The following KAT6A variants were observed in gnomAD, a reference collection of about 807,000 sequenced individuals.
The protein encoded by KAT6A is lysine acetyltransferase 6A, also known as histone acetyltransferase KAT6A.
KAT6A carries 9 observed loss-of-function variants against 198.4 expected under a neutral mutation model. That is an observed-to-expected ratio of 0.05 (90% CI 0.03 to 0.08). The LOEUF (loss-of-function observed/expected upper bound fraction) is 0.08. KAT6A is among the 10% of genes least tolerant of loss of function. The pLI is 1.00. For missense variants in KAT6A, 2,077 were observed against 2,509.9 expected (o/e 0.83, Z 3.69); for synonymous variants, 890 against 883.0 (o/e 1.01, Z -0.14).
At position 41,933,097 on chromosome 8, in the gene KAT6A, T is replaced by C. The variant is rs767890925; in HGVS notation, c.5123A>G (p.Asn1708Ser). The C allele has an allele frequency of 5.0e-6, 8 of 1,612,212 alleles. No individual in the cohort carries two copies. Among genetic ancestry groups the C allele is most frequent in the Non-Finnish European group, 5.9e-6 (7 of 1,179,516 alleles). Residue 1708 changes from asparagine (N) to serine (S), a missense_variant, in exon 17 of 17, where the codon AAT (asparagine) becomes AGT (serine). Physicochemically the swap from Asn to Ser is conservative, Grantham distance 46 (BLOSUM62 1). Coordinates refer to ENST00000265713, the MANE Select transcript of KAT6A (RefSeq NM_006766.5). This position sits in a 1 kb window ranked among gnomAD's most constrained non-coding sequence, Gnocchi z 6.2. ...CATAGGAGCTGGGGTGAAACTGTTA[T>C]TCATACTACACTGTGACAGCGGGGG... The part of the protein sequence containing the change: ...QQPPLSQCSM[N>S]NSFTPAPMIM...
chr8:41,963,032 C>G (rs1158279896), intron 8 of KAT6A, among the ~76,000 whole-genome samples: 1 of 152,134 alleles, frequency 6.6e-6, no homozygotes, highest in Non-Finnish European at 1.5e-5. Context: ...TCTCCCTCTT[C>G]CTCCCCTGCT....
intron 2 of KAT6A, among the ~76,000 whole-genome samples, chr8:42,045,223 C>T (rs1014306833): frequency 6.6e-6 from 1 of 152,134 alleles, no homozygotes; most frequent in South Asian, 2.1e-4. Flanking sequence ...ACAAGTCTAC[C>T]TGAAGAAACA....
At position 42,048,514 on chromosome 8, in the gene KAT6A, A is replaced by C. The variant is rs373581056; in HGVS notation, c.464T>G (p.Ile155Ser). 1.2e-6 allele frequency: 2 copies of C among 1,614,076 alleles called. No individual in the cohort carries two copies. The highest frequency in any genetic ancestry group is 1.7e-6 in the Non-Finnish European group (2 of 1,180,038). Residue 155 changes from isoleucine to serine, a missense_variant, in exon 2 of 17, where the codon ATT becomes AGT. Coordinates refer to ENST00000265713, the MANE Select transcript of KAT6A (RefSeq NM_006766.5). ...ATCTTTAAGGAGTCTGCCGTGGCCA[A>C]TGGCACGTTTGATAGCCAATCGTAA... ...QQLRLAIKRA[I>S]GHGRLLKDGP...
chr8:42,027,693 C>T (rs1267040629), intron 2 of KAT6A, among the ~76,000 whole-genome samples: 1 of 151,838 alleles, frequency 6.6e-6, no homozygotes, highest in Admixed American at 6.6e-5. Flanking sequence ...TCTTGGTTTG[C>T]CTCGCTAGCA....
chr8:41,970,568 A>C (rs1823737678), intron 8 of KAT6A, among the ~76,000 whole-genome samples: 1 of 152,226 alleles, frequency 6.6e-6, no homozygotes, highest in Non-Finnish European at 1.5e-5. Context: ...CCAAGTACTC[A>C]GTAGATAGCA....
intron 8 of KAT6A, among the ~76,000 whole-genome samples, chr8:41,964,749 T>C (rs143849965): frequency 3.0e-4 from 46 of 152,176 alleles, no homozygotes; most frequent in African/African-American, 1.1e-3. Flanking sequence ...TGATATTTAA[T>C]TTATAAATTA....
Position 41,980,836 on chromosome 8 carries a change from T to C in KAT6A, c.907+10A>G, listed in dbSNP as rs763592396. 1.5e-4 allele frequency: 238 copies of C among 1,594,664 alleles called. No individual in the cohort carries two copies. Among genetic ancestry groups the C allele is most frequent in the Non-Finnish European group, 2.0e-4 (227 of 1,162,480 alleles). ...ATATTCCCAGTTTTATTTCAGAAAG[T>C]ATTTCTCACCTTTTGGCATACGGGT... On this transcript the variant is annotated intron_variant, in intron 5 of 16. Transcript: ENST00000265713.
chr8:41,952,500 A>G (rs1023408553), intron 9 of KAT6A, among the ~76,000 whole-genome samples: 1 of 152,174 alleles, frequency 6.6e-6, no homozygotes, highest in African/African-American at 2.4e-5. Flanking sequence ...ATTGTTTTTG[A>G]TTTTTAAAGA....
chr8:41,932,779 G>A lies in KAT6A; in HGVS notation c.5441C>T (p.Pro1814Leu). The change falls in exon 17 of 17, where the codon CCA becomes CTA. Residue 1814 changes from proline to leucine, a missense_variant. Pro to Leu is a moderately conservative substitution (Grantham distance 98, BLOSUM62 -3). This residue lies in a region of KAT6A where 500 missense variants were observed against 577.2 expected (regional missense o/e 0.87). Coordinates refer to ENST00000265713, the MANE Select transcript of KAT6A (RefSeq NM_006766.5). ...GTTCATGGTAGTGGATGCCAAGTTTGGGGGTGGCGTCATGGTGGCTTGTGC... is the reference window on the plus strand; with the variant it reads ...GTTCATGGTAGTGGATGCCAAGTTTAGGGGTGGCGTCATGGTGGCTTGTGC... The part of the protein sequence containing the change: ...PQAQATMTPP[P>L]NLASTTMNLT... 1 of 1,614,224 alleles carries A rather than the reference G, an allele frequency of 6.2e-7. No homozygotes were observed. Among genetic ancestry groups the A allele is most frequent in the Non-Finnish European group, 8.5e-7 (1 of 1,180,024 alleles).
intron 2 of KAT6A, among the ~76,000 whole-genome samples, chr8:42,011,469 G>C (rs1370558797): frequency 6.6e-6 from 1 of 152,156 alleles, no homozygotes; most frequent in African/African-American, 2.4e-5. Context: ...CGGGTGCGGT[G>C]ACTCACACCT....
chr8:41,953,764 C>T (rs1271845168), intron 9 of KAT6A, among the ~76,000 whole-genome samples: 2 of 152,024 alleles, frequency 1.3e-5, no homozygotes, highest in South Asian at 2.1e-4. Context: ...GTGTCCTTGG[C>T]GTATTTCTTC....
chr8:41,981,812 C>T (rs1336717932), intron 4 of KAT6A, 27 bp downstream of exon 4: 1 of 1,336,452 alleles, frequency 7.5e-7, no homozygotes, highest in Admixed American at 1.7e-5. Flanking sequence ...AAATGAAACA[C>T]CCATATTAGA....
rs1486454559 is a variant in KAT6A at position 41,931,668 on chromosome 8, T to G, written c.*537A>C. ...ATAATATTAACAATAATAATAAGTT[T>G]AAGGAGCTTGGGTTGTTCTCCATGT... is the stretch of plus-strand genomic sequence containing the variant. On this transcript the variant is annotated 3_prime_UTR_variant, in exon 17 of 17. Coordinates refer to ENST00000265713, the MANE Select transcript of KAT6A (RefSeq NM_006766.5). 3 of 186,742 alleles carry G rather than the reference T, an allele frequency of 1.6e-5. No individual in the cohort carries two copies. The highest frequency in any genetic ancestry group is 2.3e-5 in the African/African-American group (1 of 42,666). The allele number at this position is 186,742 out of a possible 1,614,324, so 11.6% of individuals were successfully genotyped here. A position where few individuals can be genotyped will look rare whatever the true frequency, so the allele number is the denominator to read the frequency against.
intron 10 of KAT6A, 124 bp downstream of exon 10, chr8:41,949,095 TATA>T (rs763666321): frequency 5.5e-6 from 3 of 547,434 alleles, no homozygotes; most frequent in Non-Finnish European, 8.7e-6. Flanking sequence ...TTTTAAAAAT[TATA>T]ATTAGTACTT....
intron 9 of KAT6A, among the ~76,000 whole-genome samples, chr8:41,950,696 A>G (rs1822624670): frequency 6.6e-6 from 1 of 152,238 alleles, no homozygotes; most frequent in Non-Finnish European, 1.5e-5. Flanking sequence ...CAGACCATGA[A>G]GCTTTCCAAA....
chr8:41,930,815 A>G lies in KAT6A; in HGVS notation c.*1390T>C, dbSNP rs1821506314. 5.2e-6 allele frequency: 1 copy of G among 191,286 alleles called. No homozygotes were observed. Among genetic ancestry groups the G allele is most frequent in the South Asian group, 2.0e-4 (1 of 4,998 alleles). 11.8% of individuals were successfully genotyped at this position (191,286 alleles called of 1,614,324 possible). ...GCAAACTGGTTGCACGAGAGAAAAG[A>G]GAATGGAGTTGGGAGCAACACATGA... On this transcript the variant is annotated 3_prime_UTR_variant, in exon 17 of 17. Transcript: ENST00000265713.
At chr8:41,946,491 T>TACACAC (rs1359148460) in intron 12 of KAT6A, 100 bp downstream of exon 12, 23 of 464,110 alleles carry the variant, frequency 5.0e-5, no homozygotes, top group African/African-American at 1.3e-4. Context: ...AATATATATA[T>TACACAC]ATACACACAC....
chr8:42,013,723 CAG>C (rs1022675438), intron 2 of KAT6A, among the ~76,000 whole-genome samples: 26 of 152,154 alleles, frequency 1.7e-4, no homozygotes, highest in African/African-American at 5.6e-4. Flanking sequence ...TTTATCTAAA[CAG>C]AGGGTGGTTT....
intron 7 of KAT6A, 83 bp downstream of exon 7, chr8:41,976,925 A>C (rs1335414017): frequency 2.7e-6 from 3 of 1,130,722 alleles, no homozygotes; most frequent in Non-Finnish European, 3.8e-6. Context: ...ATCAAATATA[A>C]ATCCATTATA....
Sources: allele counts gnomAD v4.1 joint callset (sites outside exome capture counted in the v4.1 genomes callset), GRCh38; gene constraint gnomAD v4.1.1; regional missense constraint gnomAD v4.1.1; non-coding constraint Gnocchi (gnomAD v3.1); transcripts MANE v1.5; gene names NCBI Gene and HGNC (gene_info 2026-07-23, HGNC 2026-07-21).